Variants in LRRC49 observed in about 807,000 individuals in gnomAD.
The protein encoded by LRRC49 is leucine-rich repeat-containing protein 49.
Under a neutral mutation model 83.3 loss-of-function variants are expected in LRRC49, and 50 were observed. That is an observed-to-expected ratio of 0.60 (90% CI 0.48 to 0.76). LRRC49 has a LOEUF of 0.76. Ranked by LOEUF, LRRC49 falls within the 30% of genes least tolerant of loss-of-function variation. LRRC49 has a pLI of 0.00. For missense variants in LRRC49, 704 were observed against 809.1 expected (o/e 0.87, Z 1.58); for synonymous variants, 286 against 283.3 (o/e 1.01, Z -0.10).
At chr15:70,945,287 A>G (rs1355107872) in intron 8 of LRRC49, among the ~76,000 whole-genome samples, 1 of 152,192 alleles carries the variant, frequency 6.6e-6, no homozygotes, top group African/African-American at 2.4e-5. Context: ...TCTTCTCCCA[A>G]GGATCACAGC....
upstream of LRRC49, chr15:70,892,190 G>C (rs1380225305): frequency 5.0e-6 from 8 of 1,608,660 alleles, no homozygotes; most frequent in Non-Finnish European, 5.9e-6. Flanking sequence ...CAGCCGCACG[G>C]CCCGGTCCTT....
intron 2 of LRRC49, among the ~76,000 whole-genome samples, chr15:70,887,130 T>TA (rs1195923281): frequency 2.0e-5 from 3 of 152,050 alleles, no homozygotes; most frequent in Non-Finnish European, 2.9e-5. Flanking sequence ...GAATCCATCA[T>TA]AAAAAACCTT....
intron 6 of LRRC49, 181 bp from the exon 7 acceptor site, chr15:70,918,869 C>T: frequency 6.0e-6 from 3 of 503,944 alleles, no homozygotes; most frequent in Middle Eastern, 5.2e-4. Flanking sequence ...AGCTAATGTT[C>T]ACAAGTTACG....
chr15:70,904,908 A>T (rs1355067942), intron 5 of LRRC49, among the ~76,000 whole-genome samples, 153 bp downstream of exon 5: 1 of 152,222 alleles, frequency 6.6e-6, no homozygotes, highest in African/African-American at 2.4e-5. Context: ...ATCCAGTCAT[A>T]ATTTGTTTCA....
chr15:71,040,390 C>T (rs2039662130), intron 15 of LRRC49, among the ~76,000 whole-genome samples: 1 of 152,058 alleles, frequency 6.6e-6, no homozygotes, highest in Admixed American at 6.6e-5. Context: ...CTGTGTCTTG[C>T]CTTTAACCAG....
At chr15:70,913,056 C>T (rs1465598816) in intron 6 of LRRC49, among the ~76,000 whole-genome samples, 1 of 152,144 alleles carries the variant, frequency 6.6e-6, no homozygotes, top group East Asian at 1.9e-4. Flanking sequence ...CTTTGCTCAT[C>T]CATTTAAATA....
intron 5 of LRRC49, among the ~76,000 whole-genome samples, chr15:70,905,902 C>T (rs1226341983): frequency 6.6e-6 from 1 of 152,080 alleles, no homozygotes; most frequent in Non-Finnish European, 1.5e-5. Flanking sequence ...AGATCAGATA[C>T]TTCTATCTAT....
In LRRC49 at chr15:71,018,987, G is replaced by A. The variant is rs1301075215; in HGVS notation, c.1703+6074G>A. On this transcript the variant is annotated intron_variant, in intron 14 of 15. Transcript: ENST00000260382. ...AAGGATACAGATGAACAGCCAGATA[G>A]AAAAAATGCAAAGGGCAAGGTATGT... Among the ~76,000 whole-genome samples the A allele has an allele frequency of 3.3e-5, 5 of 152,254 alleles. No individual in the cohort carries two copies. The East Asian group carries it at 9.7e-4, about 29-fold the overall frequency.
intron 8 of LRRC49, among the ~76,000 whole-genome samples, chr15:70,956,345 A>G (rs902383670): frequency 6.6e-6 from 1 of 152,126 alleles, no homozygotes; most frequent in Non-Finnish European, 1.5e-5. Context: ...CAGATGTGGC[A>G]ATGTGAGGAG....
intron 1 of LRRC49, among the ~76,000 whole-genome samples, chr15:70,872,108 T>A (rs536093033): frequency 1.9e-3 from 289 of 152,280 alleles, no homozygotes; most frequent in African/African-American, 6.5e-3. Context: ...TGGGCAACAT[T>A]GAGCACTGAG....
chr15:71,016,465 A>G (rs956869696), intron 14 of LRRC49, among the ~76,000 whole-genome samples: 2 of 152,088 alleles, frequency 1.3e-5, no homozygotes, highest in Non-Finnish European at 2.9e-5. Flanking sequence ...GAACCTAGAG[A>G]AATACCAAAG....
Position 70,980,196 on chromosome 15 carries a change from G to C in LRRC49, c.1005+12G>C. ...AATCTTTGCTTAAGGTATTTTCTCTGATGTCTACATGGATGTGTGTGCACA... is the reference window on the plus strand; with the variant it reads ...AATCTTTGCTTAAGGTATTTTCTCTCATGTCTACATGGATGTGTGTGCACA... On this transcript the variant is annotated intron_variant, in intron 10 of 15. Coordinates refer to ENST00000260382, the MANE Select transcript of LRRC49 (RefSeq NM_017691.5). The C allele has an allele frequency of 6.3e-7, 1 of 1,594,610 alleles. No homozygotes were observed. Among genetic ancestry groups the C allele is most frequent in the Non-Finnish European group, 8.6e-7 (1 of 1,164,500 alleles).
chr15:70,864,952 G>T (rs939874800), intron 1 of LRRC49, among the ~76,000 whole-genome samples: 2 of 152,188 alleles, frequency 1.3e-5, no homozygotes, highest in Non-Finnish European at 2.9e-5. Flanking sequence ...TGGGGCACTA[G>T]GATCTTTGCT....
chr15:70,893,704 A>G, intron 2 of LRRC49, 64 bp downstream of exon 2: 1 of 1,265,466 alleles, frequency 7.9e-7, no homozygotes, highest in African/African-American at 1.5e-5. Context: ...AAATAGCAGC[A>G]TGACTTAAAG....
chr15:70,975,148 T>A (rs1309682123), intron 9 of LRRC49, among the ~76,000 whole-genome samples: 1 of 152,032 alleles, frequency 6.6e-6, no homozygotes, highest in Non-Finnish European at 1.5e-5. Context: ...CCTGAACTAT[T>A]ACTAGTTTTA....
At chr15:70,984,566 C>G (rs1447333160) in intron 11 of LRRC49, 3 of 177,560 alleles carry the variant, frequency 1.7e-5, no homozygotes, top group African/African-American at 7.1e-5. Flanking sequence ...TCTGCTATTG[C>G]AGCATCACTG....
At chr15:70,983,887 G>C (rs769444451) in intron 10 of LRRC49, among the ~76,000 whole-genome samples, 6 of 151,150 alleles carry the variant, frequency 4.0e-5, no homozygotes, top group Non-Finnish European at 8.8e-5. Flanking sequence ...TTTTCCTTTA[G>C]AGTTAGATAA....
At chr15:70,991,205 G>A (rs1438431198) in intron 11 of LRRC49, among the ~76,000 whole-genome samples, 2 of 152,144 alleles carry the variant, frequency 1.3e-5, no homozygotes, top group African/African-American at 4.8e-5. Flanking sequence ...CTAGGTTTAT[G>A]AGCAATGCTG....
chr15:70,891,238 GA>G (rs2033551955), upstream of LRRC49, among the ~76,000 whole-genome samples: 1 of 152,188 alleles, frequency 6.6e-6, no homozygotes. Context: ...AGAAGGAACA[GA>G]AAAGTAGGCA....
Sources: allele counts gnomAD v4.1 joint callset (sites outside exome capture counted in the v4.1 genomes callset), GRCh38; gene constraint gnomAD v4.1.1; transcripts MANE v1.5; gene names NCBI Gene and HGNC (gene_info 2026-07-23, HGNC 2026-07-21).